The following DMD variants were observed in gnomAD, a reference collection of about 807,000 sequenced individuals.
The protein encoded by DMD is dystrophin.
In DMD, 63 loss-of-function variants were observed where a neutral mutation model predicts 330.1. The ratio of observed to expected loss-of-function variants is 0.19; its 90% confidence interval spans 0.16 to 0.24. The LOEUF (loss-of-function observed/expected upper bound fraction) is 0.24. Among genes scored for constraint, DMD ranks in the 10% least tolerant of loss-of-function variants. DMD has a pLI of 1.00. For synonymous variants in DMD, 1,223 were observed against 959.8 expected (o/e 1.27, Z -5.07); for missense variants, 3,344 against 2,684.1 (o/e 1.25, Z -5.43).
rs1458515412 is a variant in DMD at position 32,732,021 on chromosome X, T to G, written c.650-32728A>C. Among the ~76,000 whole-genome samples, 7 of 110,773 alleles carry G rather than the reference T, an allele frequency of 6.3e-5. No individual in the cohort carries two copies. In the East Asian group the frequency reaches 1.7e-3, roughly 27 times the overall value. On this transcript the variant is annotated intron_variant, in intron 7 of 78. Transcript: ENST00000357033. ...AGAAGTTGAAAACTTTGAAAAACAT[T>G]TAGAAGAATGTATAAGTAGAATAAC...
At chrX:33,104,479 T>C (rs2095268208) in intron 1 of DMD, among the ~76,000 whole-genome samples, 1 of 110,686 alleles carries the variant, frequency 9.0e-6, no homozygotes, top group African/African-American at 3.3e-5. Context: ...TCCTGGCTCA[T>C]CCTGGCTCAA....
intron 17 of DMD, among the ~76,000 whole-genome samples, chrX:32,535,722 G>A (rs766148163): frequency 1.8e-5 from 2 of 111,343 alleles, no homozygotes; most frequent in African/African-American, 3.3e-5. Flanking sequence ...CTTATATTAC[G>A]TTTCCTCTCT....
chrX:33,301,705 C>A (rs1041713561), intron 1 of DMD, among the ~76,000 whole-genome samples: 1 of 111,417 alleles, frequency 9.0e-6, no homozygotes, highest in Non-Finnish European at 1.9e-5. Flanking sequence ...ATGCTGTGTC[C>A]TCCCATAGTG....
At chrX:31,582,542 G>A (rs910626653) in intron 55 of DMD, among the ~76,000 whole-genome samples, 5 of 112,190 alleles carry the variant, frequency 4.5e-5, no homozygotes, top group African/African-American at 1.6e-4. Context: ...GATGCTAGAT[G>A]CAGAAAGACC....
At chrX:31,614,724 A>G (rs1441562929) in intron 55 of DMD, among the ~76,000 whole-genome samples, 1 of 112,163 alleles carries the variant, frequency 8.9e-6, no homozygotes, top group Middle Eastern at 4.2e-3. Context: ...CCTTTGTGCA[A>G]TAACTTTTCT....
intron 45 of DMD, among the ~76,000 whole-genome samples, chrX:31,958,241 A>G (rs1480555843): frequency 9.2e-6 from 1 of 109,236 alleles, no homozygotes; most frequent in Non-Finnish European, 1.9e-5. Context: ...TGACTGGGGC[A>G]TGTATTTCTT....
intron 49 of DMD, among the ~76,000 whole-genome samples, chrX:31,824,253 G>A (rs1024255090): frequency 1.8e-5 from 2 of 110,519 alleles, no homozygotes; most frequent in African/African-American, 6.6e-5. Flanking sequence ...GTAGAGCAAT[G>A]TGGATGGATT....
At chrX:32,952,207 C>G (rs1341461311) in intron 2 of DMD, among the ~76,000 whole-genome samples, 1 of 109,115 alleles carries the variant, frequency 9.2e-6, no homozygotes, top group Non-Finnish European at 1.9e-5. Flanking sequence ...AATCGCGGTT[C>G]ACTGCAACCT....
chrX:32,554,827 G>A (rs1347209195), intron 16 of DMD, among the ~76,000 whole-genome samples: 12 of 5,914 alleles, frequency 2.0e-3, no homozygotes, highest in African/African-American at 9.2e-3. Context: ...GGAGGGAGGG[G>A]GAGGGAGAGA....
intron 48 of DMD, among the ~76,000 whole-genome samples, chrX:31,863,003 A>G (rs974999943): frequency 9.7e-5 from 11 of 112,932 alleles, no homozygotes; most frequent in African/African-American, 3.5e-4. Flanking sequence ...ACTTGGGGCT[A>G]ACGCCATTTT....
At chrX:32,455,352 A>G (rs775016833) in intron 25 of DMD, among the ~76,000 whole-genome samples, 1 of 111,641 alleles carries the variant, frequency 9.0e-6, no homozygotes, top group Admixed American at 9.5e-5. Context: ...ACATGTATAT[A>G]AAAGATGTTC....
chrX:32,166,634 C>T (rs1307070022), intron 44 of DMD, among the ~76,000 whole-genome samples: 2 of 111,416 alleles, frequency 1.8e-5, no homozygotes, highest in East Asian at 5.6e-4. Context: ...CAGCGTTTGT[C>T]TGTTTTTGGT....
chrX:33,009,979 C>T (rs200026051), intron 2 of DMD, among the ~76,000 whole-genome samples: 19,767 of 54,011 alleles, frequency 0.37, 5,171 homozygotes, highest in East Asian at 0.51. Flanking sequence ...TGTGTGTATA[C>T]ACATGTGTGT....
chrX:31,569,609 T>C (rs2075662039), intron 55 of DMD, among the ~76,000 whole-genome samples: 1 of 100,467 alleles, frequency 1.0e-5, no homozygotes, highest in African/African-American at 3.7e-5. Flanking sequence ...CATATATGTA[T>C]ATACGTATAT....
chrX:32,593,011 C>T (rs808550), intron 13 of DMD, among the ~76,000 whole-genome samples: 56,616 of 111,622 alleles, frequency 0.51, 11,611 homozygotes, highest in African/African-American at 0.8. Context: ...GCCTCATGCT[C>T]GCTTGCTCAC....
chrX:33,114,641 A>G (rs1018705984), intron 1 of DMD, among the ~76,000 whole-genome samples: 2 of 111,824 alleles, frequency 1.8e-5, no homozygotes, highest in Admixed American at 1.9e-4. Flanking sequence ...CTAAAATAAG[A>G]ACCTCCTAGC....
intron 62 of DMD, among the ~76,000 whole-genome samples, chrX:31,306,571 A>C (rs934008840): frequency 1.4e-4 from 16 of 112,024 alleles, no homozygotes; most frequent in African/African-American, 4.9e-4. Flanking sequence ...CTATTGCTTA[A>C]TCATCTTTGT....
intron 44 of DMD, among the ~76,000 whole-genome samples, chrX:32,185,201 T>G (rs1187620327): frequency 9.0e-6 from 1 of 111,455 alleles, no homozygotes; most frequent in East Asian, 2.8e-4. Context: ...CTTCTAGGCT[T>G]TGAGTTCATT....
At chrX:32,425,828 T>G (rs1317340321) in intron 29 of DMD, among the ~76,000 whole-genome samples, 1 of 111,067 alleles carries the variant, frequency 9.0e-6, no homozygotes, top group Non-Finnish European at 1.9e-5. Flanking sequence ...AGCCCAGAAA[T>G]AATGCCACAC....
Sources: allele counts gnomAD v4.1 joint callset (sites outside exome capture counted in the v4.1 genomes callset), GRCh38; gene constraint gnomAD v4.1.1; transcripts MANE v1.5; gene names NCBI Gene and HGNC (gene_info 2026-07-23, HGNC 2026-07-21).